The following FGD2 variants were observed in gnomAD, a reference collection of about 807,000 sequenced individuals.
FGD2 encodes the protein FYVE, RhoGEF and PH domain containing 2, also known as FYVE, RhoGEF and PH domain-containing protein 2.
A neutral mutation model predicts 75.9 loss-of-function variants in FGD2; 52 were observed. That is an observed-to-expected ratio of 0.69 (90% CI 0.55 to 0.86). The LOEUF (loss-of-function observed/expected upper bound fraction) is 0.86, where lower values mean the gene tolerates loss of function less well. FGD2 is among the 40% of genes least tolerant of loss of function. FGD2 has a pLI of 0.00. For synonymous variants in FGD2, 347 were observed against 348.6 expected (o/e 1.00, Z 0.05); for missense variants, 790 against 872.0 (o/e 0.91, Z 1.18).
In FGD2 at chr6:37,013,608, G is replaced by C; in HGVS notation, c.528-1G>C. On this transcript the variant is annotated splice_acceptor_variant, in intron 4 of 15. Transcript: ENST00000274963. LOFTEE classifies it high-confidence loss of function. ...GGGCAATCCCTGTGCCCCTCCTGCA[G>C]GACAGCTAACCCCCGCATCGGTGAC... is the stretch of plus-strand genomic sequence containing the variant. 6.2e-7 allele frequency: 1 copy of C among 1,613,374 alleles called. No individual in the cohort carries two copies. Among genetic ancestry groups the C allele is most frequent in the Non-Finnish European group, 8.5e-7 (1 of 1,179,514 alleles).
chr6:37,013,943 T>A lies in FGD2; in HGVS notation c.685-19T>A, dbSNP rs1299202520. On this transcript the variant is annotated intron_variant, in intron 5 of 15. Transcript: ENST00000274963. ...CCTTCTCTCACCCTCTCCGTGTTGC[T>A]CCCCCATCCCTCCCCAAGAGCAGCG... 1.2e-6 allele frequency: 2 copies of A among 1,610,402 alleles called. No homozygotes were observed. The highest frequency in any genetic ancestry group is 1.7e-5 in the Admixed American group (1 of 59,772).
intron 9 of FGD2, among the ~76,000 whole-genome samples, chr6:37,016,754 C>G (rs1465582277): frequency 1.3e-5 from 2 of 152,144 alleles, no homozygotes; most frequent in African/African-American, 4.8e-5. Context: ...CCAGGCTGGT[C>G]TCAAACTCCT....
In FGD2 at chr6:37,016,834, G is replaced by A. The variant is rs9470454; in HGVS notation, c.1122+974G>A. Among the ~76,000 whole-genome samples the A allele has an allele frequency of 1.0e-3, 159 of 152,190 alleles. 1 individual carries two copies. Among genetic ancestry groups the A allele is most frequent in the African/African-American group, 3.7e-3 (152 of 41,524 alleles). On this transcript the variant is annotated intron_variant, in intron 9 of 15. Transcript: ENST00000274963. ...TTACAGGCATGAGCCACCACACCCA[G>A]CCTGTTTTTTATCTTTTAAAAATAT...
Position 37,013,693 on chromosome 6 carries a change from G to A in FGD2, c.612G>A (p.Glu204=). Residue 204 remains glutamate, a synonymous_variant, in exon 5 of 16, where the codon GAG becomes GAA. Coordinates refer to ENST00000274963, the MANE Select transcript of FGD2 (RefSeq NM_173558.4). ...KMYSEYVKNF[E]RAAELLATWT... The stretch of plus-strand genomic sequence containing the variant: ...ACAGTGAGTATGTCAAGAACTTTGA[G>A]CGAGCGGCTGAGCTGCTGGCCACCT... 1.2e-6 allele frequency: 2 copies of A among 1,614,104 alleles called. No homozygotes were observed. The highest frequency in any genetic ancestry group is 1.7e-6 in the Non-Finnish European group (2 of 1,179,990).
At chr6:37,011,938 G>A (rs1765031973) in intron 4 of FGD2, 84 bp downstream of exon 4, 2 of 1,467,916 alleles carry the variant, frequency 1.4e-6, no homozygotes, top group Admixed American at 2.2e-5. Flanking sequence ...GCTAGGTTCA[G>A]CCTCCTAGGC....
rs1561929977 is a variant in FGD2 at position 37,013,593 on chromosome 6, T to C, written c.528-16T>C. The C allele has an allele frequency of 6.2e-7, 1 of 1,611,220 alleles. No homozygotes were observed. The highest frequency in any genetic ancestry group is 8.5e-7 in the Non-Finnish European group (1 of 1,178,240). On this transcript the variant is annotated splice_polypyrimidine_tract_variant and intron_variant, in intron 4 of 15. Transcript: ENST00000274963. ...AGGTCTCTAGGCTGAGGGCAATCCCTGTGCCCCTCCTGCAGGACAGCTAAC... is the reference window on the plus strand; with the variant it reads ...AGGTCTCTAGGCTGAGGGCAATCCCCGTGCCCCTCCTGCAGGACAGCTAAC...
intron 13 of FGD2, chr6:37,024,711 G>C (rs1054489588): frequency 7.9e-5 from 12 of 152,182 alleles, no homozygotes; most frequent in African/African-American, 2.9e-4. Context: ...AAATGCTCCT[G>C]AGGTAGCTGA....
intron 14 of FGD2, chr6:37,026,366 C>A: frequency 1.0e-6 from 1 of 985,412 alleles, no homozygotes; most frequent in Non-Finnish European, 1.2e-6. Context: ...GGAAGGGACT[C>A]CAGGGGCCAG....
rs1452569631 is a variant in FGD2, at chr6:37,008,926, A to G, written c.161A>G (p.Lys54Arg). 1.2e-6 allele frequency: 2 copies of G among 1,614,238 alleles called. No homozygotes were observed. The highest frequency in any genetic ancestry group is 1.7e-6 in the Non-Finnish European group (2 of 1,180,042). ...CCCGAGTCCCCAGGACCACGGGAGA[A>G]GACGAATGTCGGGGAGGCCGTGGGG... The part of the protein sequence containing the change: ...RPPESPGPRE[K>R]TNVGEAVGSE... Residue 54 changes from lysine (K) to arginine (R), a missense_variant, in exon 2 of 16, where the codon AAG (lysine) becomes AGG (arginine). Physicochemically the swap from Lys to Arg is conservative, Grantham distance 26. Coordinates refer to ENST00000274963, the MANE Select transcript of FGD2 (RefSeq NM_173558.4).
rs542698263 is a variant in FGD2 at position 37,009,098 on chromosome 6, C to T, written c.300+33C>T. The T allele has an allele frequency of 6.9e-6, 11 of 1,596,170 alleles. No homozygotes were observed. The African/African-American group carries it at 1.2e-4, about 17-fold the overall frequency. On this transcript the variant is annotated intron_variant, in intron 2 of 15. Coordinates refer to ENST00000274963, the MANE Select transcript of FGD2 (RefSeq NM_173558.4). Reference sequence around the variant, plus strand: ...AGGGCTGAGGTAGAGGTGTGGGGTGCTGGGGTGGGGAGCTCTCCCTGACCT... The same window carrying T: ...AGGGCTGAGGTAGAGGTGTGGGGTGTTGGGGTGGGGAGCTCTCCCTGACCT...
Position 37,013,994 on chromosome 6 carries a change from G to A in FGD2, c.717G>A (p.Gln239=). The part of the protein sequence containing the change: ...SSEASGSLTL[Q]HHMLEPVQRI... ...AGGCTTCGGGCAGCCTGACCCTGCA[G>A]CACCACATGCTGGAACCAGTGCAGA... The change falls in exon 6 of 16, where the codon CAG becomes CAA. Residue 239 remains glutamine (Q), a synonymous_variant. Coordinates refer to ENST00000274963, the MANE Select transcript of FGD2 (RefSeq NM_173558.4). 2.5e-6 allele frequency: 4 copies of A among 1,614,048 alleles called. No individual in the cohort carries two copies. Among genetic ancestry groups the A allele is most frequent in the Non-Finnish European group, 3.4e-6 (4 of 1,179,952 alleles).
chr6:37,027,347 G>A, intron 14 of FGD2, 82 bp from the exon 15 acceptor site: 1 of 1,497,810 alleles, frequency 6.7e-7, no homozygotes. Flanking sequence ...AAGGATTGGA[G>A]ATAGTGATTG....
chr6:37,009,330 C>A, intron 2 of FGD2: 1 of 422,390 alleles, frequency 2.4e-6, no homozygotes, highest in South Asian at 2.9e-5. Context: ...TTTTAAGGAA[C>A]TTATTCAAGG....
rs758573952 is a variant in FGD2 at position 37,022,172 on chromosome 6, C to A, written c.1327-67C>A. The A allele has an allele frequency of 2.6e-6, 4 of 1,540,266 alleles. No homozygotes were observed. In the Admixed American group the frequency reaches 6.2e-5, roughly 24 times the overall value. ...CAGCAGGTGGGCACAGGGCCCCAGG[C>A]CCTGGGAGGATGGGCGGAAGAAGGT... is the stretch of plus-strand genomic sequence containing the variant. On this transcript the variant is annotated intron_variant, in intron 12 of 15. Coordinates refer to ENST00000274963, the MANE Select transcript of FGD2 (RefSeq NM_173558.4).
At chr6:37,020,519 G>T (rs762211617) in intron 9 of FGD2, 22 bp from the exon 10 acceptor site, 1 of 1,592,296 alleles carries the variant, frequency 6.3e-7, no homozygotes, top group Non-Finnish European at 8.5e-7. Flanking sequence ...GTCTGAACTG[G>T]TTGCCTCCCT....
intron 14 of FGD2, chr6:37,026,225 C>T: frequency 1.0e-6 from 1 of 985,446 alleles, no homozygotes; most frequent in Non-Finnish European, 1.2e-6. Flanking sequence ...CCCCTCTGGA[C>T]AGCTCATGTT....
intron 14 of FGD2, 94 bp downstream of exon 14, chr6:37,026,032 G>A (rs1765806824): frequency 1.3e-6 from 2 of 1,520,392 alleles, no homozygotes; most frequent in Non-Finnish European, 1.8e-6. Flanking sequence ...CAGTGCTGAG[G>A]AACAAGCCAG....
chr6:37,005,886 G>A lies in FGD2; in HGVS notation c.68+1G>A, dbSNP rs764706884. 3 of 1,613,192 alleles carry A rather than the reference G, an allele frequency of 1.9e-6. No individual in the cohort carries two copies. Among genetic ancestry groups the A allele is most frequent in the Non-Finnish European group, 2.5e-6 (3 of 1,179,762 alleles). On this transcript the variant is annotated splice_donor_variant, in intron 1 of 15. Coordinates refer to ENST00000274963, the MANE Select transcript of FGD2 (RefSeq NM_173558.4). LOFTEE classifies it high-confidence loss of function. ...TGGTCACTGTGTTTGAGAATAGCAG[G>A]TATGGGCAGCTGGGGTGGGAGGGTC...
chr6:37,016,632 C>T (rs938376012), intron 9 of FGD2, among the ~76,000 whole-genome samples: 2 of 151,024 alleles, frequency 1.3e-5, no homozygotes, highest in East Asian at 1.9e-4. Flanking sequence ...CTCCTGGGTT[C>T]GAGCAATTCT....
Sources: gnomAD v4.1 joint callset for allele counts (sites outside exome capture counted in the v4.1 genomes callset) on GRCh38, gnomAD v4.1.1 for gene constraint, MANE v1.5 for transcripts, NCBI Gene and HGNC (gene_info 2026-07-23, HGNC 2026-07-21) for gene names.